Variants in RIPK2 observed in about 807,000 individuals in gnomAD.
RIPK2 encodes receptor-interacting serine/threonine-protein kinase 2.
In RIPK2, 38 loss-of-function variants were observed where a neutral mutation model predicts 60.9. That is an observed-to-expected ratio of 0.62 (90% CI 0.48 to 0.82). The LOEUF (loss-of-function observed/expected upper bound fraction) is 0.82, where lower values mean the gene tolerates loss of function less well. Ranked by LOEUF, RIPK2 falls within the 40% of genes least tolerant of loss-of-function variation. The probability of loss-of-function intolerance (pLI) is 0.00; values close to 1 mark genes in which losing one functional copy is unlikely to be tolerated. For missense variants in RIPK2, 518 were observed against 647.0 expected, an observed-to-expected ratio of 0.80 and a Z score of 2.16; for synonymous variants, 225 against 223.4, an observed-to-expected ratio of 1.01 and a Z score of -0.06.
At position 89,758,318 on chromosome 8, in the gene RIPK2, A is replaced by G. The variant is rs940037108; in HGVS notation, c.173+85A>G. ...CTGACAAGCGGGCTCTAGAGCCCAA[A>G]TGGCAGTGACCGCTTGGGGCCGGCC... On this transcript the variant is annotated intron_variant, in intron 1 of 10. Transcript: ENST00000220751. 2.4e-5 allele frequency: 33 copies of G among 1,374,430 alleles called. No individual in the cohort carries two copies. The African/African-American group carries it at 4.4e-4, about 18-fold the overall frequency. 85.1% of individuals were successfully genotyped at this position (1,374,430 alleles called of 1,614,324 possible).
chr8:89,763,533 G>T (rs1011893476), intron 2 of RIPK2, among the ~76,000 whole-genome samples: 15 of 152,124 alleles, frequency 9.9e-5, no homozygotes, highest in African/African-American at 3.6e-4. Flanking sequence ...AAATTCAGGG[G>T]TCCTCATTCT....
At chr8:89,788,427 T>G (rs889002174) in intron 9 of RIPK2, among the ~76,000 whole-genome samples, 6 of 152,102 alleles carry the variant, frequency 3.9e-5, no homozygotes, top group African/African-American at 1.4e-4. Flanking sequence ...GTTTTTAATT[T>G]GAGGTACTAG....
chr8:89,785,691 G>A (rs563459549), intron 8 of RIPK2, among the ~76,000 whole-genome samples: 5 of 152,128 alleles, frequency 3.3e-5, no homozygotes, highest in South Asian at 4.1e-4. Flanking sequence ...TCTTTAAAAC[G>A]AACCTTAAAG....
At chr8:89,768,577 T>G (rs1391628266) in intron 3 of RIPK2, among the ~76,000 whole-genome samples, 2 of 151,740 alleles carry the variant, frequency 1.3e-5, no homozygotes, top group African/African-American at 4.8e-5. Context: ...ATTTCTTCAT[T>G]CTGTCCTTAA....
rs1809541180 is a variant in RIPK2, at chr8:89,783,963, T to C, written c.940-87T>C. On this transcript the variant is annotated intron_variant, in intron 7 of 10. Coordinates refer to ENST00000220751, the MANE Select transcript of RIPK2 (RefSeq NM_003821.6). ...TCTTTCCATGTATTTTGTACAAACA[T>C]ATAAAATGTGTTAGATTGTATTTTA... 5.8e-6 allele frequency: 4 copies of C among 691,886 alleles called. No homozygotes were observed. In the South Asian group the frequency reaches 8.4e-5, roughly 15 times the overall value. The allele number at this position is 691,886 out of a possible 1,614,324, so 42.9% of individuals were successfully genotyped here.
chr8:89,780,029 C>T (rs1317502571), intron 6 of RIPK2, 46 bp from the exon 7 acceptor site: 2 of 951,608 alleles, frequency 2.1e-6, no homozygotes, highest in Admixed American at 4.9e-5. Context: ...CACTTTAATA[C>T]TTAGAAGCAA....
rs755608291 is a variant in RIPK2, at chr8:89,758,052, C to T, written c.-9C>T. 4 of 1,584,930 alleles carry T rather than the reference C, an allele frequency of 2.5e-6. No individual in the cohort carries two copies. Among genetic ancestry groups the T allele is most frequent in the African/African-American group, 2.7e-5 (2 of 74,184 alleles). The stretch of plus-strand genomic sequence containing the variant: ...GGCACACCCGGAACCGGCCTGAGCG[C>T]CCGGGACCATGAACGGGGAGGCCAT... On this transcript the variant is annotated 5_prime_UTR_variant, in exon 1 of 11. Coordinates refer to ENST00000220751, the MANE Select transcript of RIPK2 (RefSeq NM_003821.6).
chr8:89,776,057 A>G (rs1353343636), intron 6 of RIPK2, among the ~76,000 whole-genome samples: 1 of 152,174 alleles, frequency 6.6e-6, no homozygotes, highest in African/African-American at 2.4e-5. Flanking sequence ...AGCCCACCAC[A>G]GGCCTCACCC....
chr8:89,769,722 G>A (rs1185443999), intron 3 of RIPK2, 50 bp from the exon 4 acceptor site: 5 of 1,363,412 alleles, frequency 3.7e-6, no homozygotes, highest in Non-Finnish European at 4.9e-6. Flanking sequence ...GTTGACTTTT[G>A]GACTTTTTAA....
At chr8:89,775,942 A>G (rs77945251) in intron 6 of RIPK2, among the ~76,000 whole-genome samples, 8,961 of 152,280 alleles carry the variant, frequency 0.059, 453 homozygotes, top group East Asian at 0.25. Flanking sequence ...GATGTTGATC[A>G]GAATATCAGT....
Position 89,771,794 on chromosome 8 carries a change from A to C in RIPK2, c.691+4A>C, listed in dbSNP as rs1271661569. The C allele has an allele frequency of 4.4e-6, 7 of 1,598,202 alleles. No homozygotes were observed. The African/African-American group carries it at 9.4e-5, about 21-fold the overall frequency. ...TCCAGAAAACAGCCTTTTGAAGGTAAGTATGGTTTGACTTTTTTATGCTCA... is the reference window on the plus strand; with the variant it reads ...TCCAGAAAACAGCCTTTTGAAGGTACGTATGGTTTGACTTTTTTATGCTCA... On this transcript the variant is annotated splice_donor_region_variant and intron_variant, in intron 5 of 10. Coordinates refer to ENST00000220751, the MANE Select transcript of RIPK2 (RefSeq NM_003821.6).
chr8:89,779,315 T>TC (rs1240503477), intron 6 of RIPK2, among the ~76,000 whole-genome samples: 2 of 125,444 alleles, frequency 1.6e-5, no homozygotes, highest in Non-Finnish European at 3.3e-5. Context: ...TTTGGGTTTT[T>TC]TTTTTTTTTT....
chr8:89,775,647 A>G (rs1485718534), intron 6 of RIPK2, among the ~76,000 whole-genome samples: 1 of 152,174 alleles, frequency 6.6e-6, no homozygotes, highest in Non-Finnish European at 1.5e-5. Context: ...TTACATTTGT[A>G]TGAGTATATG....
intron 1 of RIPK2, among the ~76,000 whole-genome samples, chr8:89,762,320 A>G (rs1809159479): frequency 6.6e-6 from 1 of 152,188 alleles, no homozygotes; most frequent in African/African-American, 2.4e-5. Flanking sequence ...CTGGTATATA[A>G]TTTATAAATA....
chr8:89,766,653 G>A (rs978918911), intron 3 of RIPK2, among the ~76,000 whole-genome samples: 5 of 150,846 alleles, frequency 3.3e-5, no homozygotes, highest in African/African-American at 1.2e-4. Flanking sequence ...AATACCAAAT[G>A]CCCACCAGCA....
intron 3 of RIPK2, among the ~76,000 whole-genome samples, chr8:89,767,850 C>T (rs1266171870): frequency 2.0e-5 from 3 of 151,904 alleles, no homozygotes; most frequent in Non-Finnish European, 4.4e-5. Context: ...CAAACCCTCA[C>T]GTACAAGTGC....
chr8:89,776,554 A>C (rs893598295), intron 6 of RIPK2, among the ~76,000 whole-genome samples: 2 of 152,352 alleles, frequency 1.3e-5, no homozygotes, highest in East Asian at 1.9e-4. Flanking sequence ...TAAATCCACT[A>C]TATACTTGTT....
Position 89,757,893 on chromosome 8 carries a change from G to C in RIPK2, c.-168G>C. On this transcript the variant is annotated 5_prime_UTR_variant, in exon 1 of 11. Coordinates refer to ENST00000220751, the MANE Select transcript of RIPK2 (RefSeq NM_003821.6). ...GGTTCGGAGAAGCAGCGGCTGGCGT[G>C]GGCCATCCGGGGAATGGGCGCCCTC... 4.3e-6 allele frequency: 6 copies of C among 1,382,600 alleles called. No individual in the cohort carries two copies. The South Asian group carries it at 8.1e-5, about 19-fold the overall frequency. The allele number at this position is 1,382,600 out of a possible 1,614,324, so 85.6% of individuals were successfully genotyped here.
intron 8 of RIPK2, among the ~76,000 whole-genome samples, chr8:89,785,452 A>T (rs1220101161): frequency 6.6e-6 from 1 of 152,200 alleles, no homozygotes; most frequent in Non-Finnish European, 1.5e-5. Context: ...TCAAAAAAAA[A>T]AACTTTGTTT....
Sources: gnomAD v4.1 joint callset for allele counts (sites outside exome capture counted in the v4.1 genomes callset) on GRCh38, gnomAD v4.1.1 for gene constraint, MANE v1.5 for transcripts, NCBI Gene and HGNC (gene_info 2026-07-23, HGNC 2026-07-21) for gene names.